The following CHD1 variants were observed in gnomAD, a reference collection of about 807,000 sequenced individuals.
The protein encoded by CHD1 is ATP-dependent chromatin remodeler CHD1.
A neutral mutation model predicts 224.2 loss-of-function variants in CHD1; 36 were observed. The observed-to-expected ratio is 0.16, with a 90% CI of 0.12 to 0.21. The LOEUF (loss-of-function observed/expected upper bound fraction) is 0.21. CHD1 is among the 10% of genes least tolerant of loss of function. The pLI is 1.00. For missense variants in CHD1, 1,378 were observed against 1,994.8 expected (o/e 0.69, Z 5.89); for synonymous variants, 668 against 658.3 (o/e 1.01, Z -0.23).
At position 98,859,987 on chromosome 5, in the gene CHD1, T is replaced by G; in HGVS notation, c.4509A>C (p.Lys1503Asn). The change falls in exon 33 of 36, where the codon AAA becomes AAC. Residue 1503 changes from lysine to asparagine, a missense_variant. Coordinates refer to ENST00000614616, the MANE Select transcript of CHD1 (RefSeq NM_001270.4). ...LHKLYKHAIK[K>N]RQESQQNSDQ... ...TCAAGTTTACCTGAGACTCCTGCCG[T>G]TTTTTAATAGCATGCTTATATAATT... 1 of 1,519,814 alleles carries G rather than the reference T, an allele frequency of 6.6e-7. No homozygotes were observed. The allele number at this position is 1,519,814 out of a possible 1,614,324, so 94.1% of individuals were successfully genotyped here. A position where few individuals can be genotyped will look rare whatever the true frequency, so the allele number is the denominator to read the frequency against.
rs762666762 is a variant in CHD1, at chr5:98,897,318, T to C, written c.1368A>G (p.Val456=). ...SKTTPFKDCK[V]LKQRPRFVAL... ...CTACAAACCTTGGCCTTTGTTTTAA[T>C]ACCTTTAGTAGAAATAAACATTATT... The change falls in exon 11 of 36, where the codon GTA becomes GTG. Residue 456 remains valine (V), a splice_region_variant and synonymous_variant. Coordinates refer to ENST00000614616, the MANE Select transcript of CHD1 (RefSeq NM_001270.4). 1.3e-6 allele frequency: 2 copies of C among 1,588,116 alleles called. No individual in the cohort carries two copies. The highest frequency in any genetic ancestry group is 1.7e-6 in the Non-Finnish European group (2 of 1,161,998).
At position 98,876,411 on chromosome 5, in the gene CHD1, C is replaced by G; in HGVS notation, c.3385G>C (p.Ala1129Pro). The change falls in exon 24 of 36, where the codon GCA becomes CCA. Residue 1129 changes from alanine (A) to proline (P), a missense_variant. Physicochemically the swap from Ala to Pro is conservative, Grantham distance 27. This residue lies in a region of CHD1 where 286 missense variants were observed against 445.1 expected (regional missense o/e 0.64). Transcript: ENST00000614616. ...PRENIKGFSD[A>P]EIRRFIKSYK... Reference sequence around the variant, plus strand: ...ATAACACCTTACCGCCTAATTTCTGCATCACTAAATCCTTTAATATTCTCC... The same window carrying G: ...ATAACACCTTACCGCCTAATTTCTGGATCACTAAATCCTTTAATATTCTCC... 1 of 1,613,746 alleles carries G rather than the reference C, an allele frequency of 6.2e-7. No individual in the cohort carries two copies. Among genetic ancestry groups the G allele is most frequent in the Non-Finnish European group, 8.5e-7 (1 of 1,179,728 alleles).
chr5:98,917,430 C>T (rs1020184129), intron 2 of CHD1, among the ~76,000 whole-genome samples: 2 of 151,954 alleles, frequency 1.3e-5, no homozygotes, highest in Non-Finnish European at 2.9e-5. Flanking sequence ...CTGACATATA[C>T]ATGTATTTTT....
chr5:98,879,695 T>A lies in CHD1; in HGVS notation c.3094A>T (p.Ile1032Phe). 6.2e-7 allele frequency: 1 copy of A among 1,605,518 alleles called. No homozygotes were observed. The highest frequency in any genetic ancestry group is 8.5e-7 in the Non-Finnish European group (1 of 1,177,972). Residue 1032 changes from isoleucine to phenylalanine, a missense_variant, in exon 23 of 36, where the codon ATT becomes TTT. Ile to Phe is a conservative substitution (Grantham distance 21). Coordinates refer to ENST00000614616, the MANE Select transcript of CHD1 (RefSeq NM_001270.4). The stretch of plus-strand genomic sequence containing the variant: ...GAATTTCTTTCAGGTTCCAACTCAA[T>A]GTCATCCTCATCCATATTTGAGAAG... ...ANFSNMDEDD[I>F]ELEPERNSKN...
rs376566244 is a variant in CHD1 at position 98,928,806 on chromosome 5, TCGCCGCCGC to T, written c.-425_-417del. 9.4e-5 allele frequency: 15 copies of T among 159,352 alleles called. No homozygotes were observed. Among genetic ancestry groups the T allele is most frequent in the Non-Finnish European group, 1.5e-4 (11 of 73,452 alleles). The allele number at this position is 159,352 out of a possible 1,614,324, so 9.9% of individuals were successfully genotyped here. The stretch of plus-strand genomic sequence containing the variant: ...AGCAAGAGCTATAAGTAACCAGTCG[TCGCCGCCGC>T]CGCCGCCGCCGTCGCGCGCGCGCTC... On this transcript the variant is annotated 5_prime_UTR_variant, in exon 1 of 36. Transcript: ENST00000614616.
chr5:98,856,476 T>C lies in CHD1; in HGVS notation c.5037A>G (p.Leu1679=), dbSNP rs1273983341. The C allele has an allele frequency of 6.2e-7, 1 of 1,613,858 alleles. No homozygotes were observed. Among genetic ancestry groups the C allele is most frequent in the South Asian group, 1.1e-5 (1 of 91,082 alleles). ...TGGAGCCATAAGGAGATCTCTGATC[T>C]AGTGGTGACCTAGGGCCACTGCTGG... ...RASSSGPRSP[L]DQRSPYGSRS... Residue 1679 remains leucine, a synonymous_variant, in exon 36 of 36, where the codon CTA becomes CTG. Coordinates refer to ENST00000614616, the MANE Select transcript of CHD1 (RefSeq NM_001270.4).
Position 98,872,115 on chromosome 5 carries a change from T to C in CHD1, c.3797A>G (p.Tyr1266Cys), listed in dbSNP as rs1196518118. 1.2e-6 allele frequency: 2 copies of C among 1,613,408 alleles called. No homozygotes were observed. Among genetic ancestry groups the C allele is most frequent in the South Asian group, 1.1e-5 (1 of 91,058 alleles). The stretch of plus-strand genomic sequence containing the variant: ...TTCCCAGCTTCCATATCCATATTCA[T>C]AGATGCCAATTAACAAATTGGAATC... ...EDDSNLLIGI[Y>C]EYGYGSWEMI... The change falls in exon 28 of 36, where the codon TAT (tyrosine) becomes TGT (cysteine). Residue 1266 changes from tyrosine to cysteine, a missense_variant. By Grantham distance (194) the Tyr-to-Cys change is radical. Transcript: ENST00000614616.
chr5:98,928,995 C>A lies in CHD1; in HGVS notation c.-605G>T, dbSNP rs1008419035. On this transcript the variant is annotated 5_prime_UTR_variant, in exon 1 of 36. Transcript: ENST00000614616. ...CGCCTCTGCTCACTCCCCTTCCCGA[C>A]AGAGCGCGAGGCGGGCGGGCGCGCG... 2 of 152,308 alleles carry A rather than the reference C, an allele frequency of 1.3e-5. No homozygotes were observed. Among genetic ancestry groups the A allele is most frequent in the African/African-American group, 2.4e-5 (1 of 41,422 alleles). The allele number at this position is 152,308 out of a possible 1,614,324, so 9.4% of individuals were successfully genotyped here. A position where few individuals can be genotyped will look rare whatever the true frequency, so the allele number is the denominator to read the frequency against.
Position 98,889,100 on chromosome 5 carries a change from G to C in CHD1, c.2319C>G (p.Phe773Leu). The C allele has an allele frequency of 6.3e-7, 1 of 1,591,006 alleles. No homozygotes were observed. The highest frequency in any genetic ancestry group is 8.6e-7 in the Non-Finnish European group (1 of 1,162,244). ...YLIKPPDNNE[F>L]YNKQEALQHL... ...CTTGTAAGGCCTCCTGTTTATTATA[G>C]AATTCATTATTATCTGGTGGTTTAA... The change falls in exon 16 of 36, where the codon TTC (phenylalanine) becomes TTG (leucine). Residue 773 changes from phenylalanine (F) to leucine (L), a missense_variant. Physicochemically the swap from Phe to Leu is conservative, Grantham distance 22. Coordinates refer to ENST00000614616, the MANE Select transcript of CHD1 (RefSeq NM_001270.4).
rs1420065571 is a variant in CHD1 at position 98,928,197 on chromosome 5, T to C, written c.-149+342A>G. On this transcript the variant is annotated intron_variant, in intron 1 of 35. Coordinates refer to ENST00000614616, the MANE Select transcript of CHD1 (RefSeq NM_001270.4). ...CGCCGCCCCCTCCCCCTCCCGCCGC[T>C]CCCCACGTGCTGGGAGCCCGGGTCG... is the stretch of plus-strand genomic sequence containing the variant. Among the ~76,000 whole-genome samples, 3 of 143,598 alleles carry C rather than the reference T, an allele frequency of 2.1e-5. No individual in the cohort carries two copies. The East Asian group carries it at 6.5e-4, about 31-fold the overall frequency. The allele number at this position is 143,598 out of a possible 152,430, so 94.2% of individuals were successfully genotyped here.
rs745499797 is a variant in CHD1, at chr5:98,897,285, C to T, written c.1401G>A (p.Lys467=). ...LKQRPRFVAL[K]KQPSYIGGHE... ...GTCCTCCAATATAGGATGGCTGCTT[C>T]TTCAGGGCTACAAACCTTGGCCTTT... The change falls in exon 11 of 36, where the codon AAG becomes AAA. Residue 467 remains lysine, a synonymous_variant. Transcript: ENST00000614616. 9 of 1,609,612 alleles carry T rather than the reference C, an allele frequency of 5.6e-6. No individual in the cohort carries two copies. The highest frequency in any genetic ancestry group is 5.0e-5 in the Admixed American group (3 of 59,898).
chr5:98,866,515 G>A (rs1485019793), intron 31 of CHD1, among the ~76,000 whole-genome samples: 1 of 152,034 alleles, frequency 6.6e-6, no homozygotes, highest in East Asian at 1.9e-4. Context: ...AGGACATAAT[G>A]GGTTGAAAAC....
At chr5:98,873,507 A>G in intron 26 of CHD1, 86 bp downstream of exon 26, 4 of 1,033,348 alleles carry the variant, frequency 3.9e-6, no homozygotes, top group Non-Finnish European at 5.2e-6. Flanking sequence ...TGAATAAATA[A>G]TTTAAGATAT....
intron 31 of CHD1, among the ~76,000 whole-genome samples, chr5:98,864,997 A>G (rs1259283398): frequency 6.6e-6 from 1 of 152,196 alleles, no homozygotes; most frequent in Non-Finnish European, 1.5e-5. Context: ...CCTGGACTCT[A>G]GTATAAGAGA....
chr5:98,875,895 T>G (rs537479048), intron 24 of CHD1, among the ~76,000 whole-genome samples: 39 of 152,208 alleles, frequency 2.6e-4, no homozygotes, highest in Non-Finnish European at 5.3e-4. Context: ...ATAAACATAT[T>G]CTGAATGGAC....
chr5:98,924,179 A>C (rs1450738211), intron 2 of CHD1, among the ~76,000 whole-genome samples: 2 of 151,864 alleles, frequency 1.3e-5, no homozygotes, highest in Admixed American at 1.3e-4. Context: ...CAGGAGGTGG[A>C]GGCAGAGGCT....
chr5:98,919,155 A>G (rs539593934), intron 2 of CHD1, among the ~76,000 whole-genome samples: 3 of 152,352 alleles, frequency 2.0e-5, no homozygotes, highest in South Asian at 4.1e-4. Context: ...GAATCTTATT[A>G]AAATGGAAAT....
rs3777003 is a variant in CHD1, at chr5:98,866,404, A to C, written c.4248+2091T>G. ...TGAACTATATTAGGGCATGTTGTGG[A>C]ATCAGTAGGAAATACATTAGTGGGT... On this transcript the variant is annotated intron_variant, in intron 31 of 35. Transcript: ENST00000614616. Among the ~76,000 whole-genome samples, 60 of 152,314 alleles carry C rather than the reference A, an allele frequency of 3.9e-4. 1 individual carries two copies. In the East Asian group the frequency reaches 9.1e-3, roughly 23 times the overall value.
At position 98,855,638 on chromosome 5, in the gene CHD1, GA is replaced by G. The variant is rs1160783465; in HGVS notation, c.*741del. The G allele has an allele frequency of 6.8e-6, 1 of 146,674 alleles. No homozygotes were observed. Among genetic ancestry groups the G allele is most frequent in the African/African-American group, 2.5e-5 (1 of 39,936 alleles). 9.1% of individuals were successfully genotyped at this position (146,674 alleles called of 1,614,324 possible). A position where few individuals can be genotyped will look rare whatever the true frequency, so the allele number is the denominator to read the frequency against. On this transcript the variant is annotated 3_prime_UTR_variant, in exon 36 of 36. Coordinates refer to ENST00000614616, the MANE Select transcript of CHD1 (RefSeq NM_001270.4). The stretch of plus-strand genomic sequence containing the variant: ...ACATTCTAAACAATGATTCCATCAA[GA>G]CAAATCATTAAAAAGTGTTATTACA...
Sources: allele counts gnomAD v4.1 joint callset (sites outside exome capture counted in the v4.1 genomes callset), GRCh38; gene constraint gnomAD v4.1.1; regional missense constraint gnomAD v4.1.1; transcripts MANE v1.5; gene names NCBI Gene and HGNC (gene_info 2026-07-23, HGNC 2026-07-21).